The following GNG7 variants were observed in gnomAD, a reference collection of about 807,000 sequenced individuals.
GNG7 encodes guanine nucleotide-binding protein G(I)/G(S)/G(O) subunit gamma-7.
In GNG7, 1 loss-of-function variant was observed where a neutral mutation model predicts 4.0. The ratio of observed to expected loss-of-function variants is 0.25; its 90% confidence interval spans 0.09 to 1.18. The LOEUF (loss-of-function observed/expected upper bound fraction) is 1.18, where lower values mean the gene tolerates loss of function less well. GNG7 is among the 50% of genes most tolerant of loss of function. The probability of loss-of-function intolerance (pLI) is 0.50; values close to 1 mark genes in which losing one functional copy is unlikely to be tolerated. For synonymous variants in GNG7, 34 were observed against 36.9 expected (o/e 0.92, Z 0.29); for missense variants, 86 against 91.9 (o/e 0.94, Z 0.26).
chr19:2,612,419 G>A (rs947375034), intron 2 of GNG7, among the ~76,000 whole-genome samples: 10 of 151,930 alleles, frequency 6.6e-5, no homozygotes, highest in African/African-American at 9.7e-5. Flanking sequence ...AGCCTGCAAA[G>A]AAGGTGTGTC....
In GNG7 at chr19:2,653,942, G is replaced by A. The variant is rs1034722955; in HGVS notation, c.-134-7662C>T. On this transcript the variant is annotated intron_variant, in intron 1 of 4. Coordinates refer to ENST00000382159, the MANE Select transcript of GNG7 (RefSeq NM_052847.3). This position sits in a 1 kb window ranked among gnomAD's most constrained non-coding sequence, Gnocchi z 4.8. Reference sequence around the variant, plus strand: ...GGGGACAGCTCTCGCCTGCCTCGGCGAGCCCGGGTTCCAGAAGATGTGCCC... The same window carrying A: ...GGGGACAGCTCTCGCCTGCCTCGGCAAGCCCGGGTTCCAGAAGATGTGCCC... Among the ~76,000 whole-genome samples, 1 of 152,170 alleles carries A rather than the reference G, an allele frequency of 6.6e-6. No homozygotes were observed. Among genetic ancestry groups the A allele is most frequent in the Non-Finnish European group, 1.5e-5 (1 of 68,022 alleles).
At chr19:2,697,001 C>T (rs1033160473) in intron 1 of GNG7, among the ~76,000 whole-genome samples, 1 of 152,032 alleles carries the variant, frequency 6.6e-6, no homozygotes, top group African/African-American at 2.4e-5. Flanking sequence ...TACAGGCGCC[C>T]GGCTAATTTT....
chr19:2,657,361 A>AAAAAAATATATATATAT (rs1555701153), intron 1 of GNG7, among the ~76,000 whole-genome samples: 1 of 16,318 alleles, frequency 6.1e-5, no homozygotes, highest in Non-Finnish European at 1.0e-4. Context: ...AAAAAAAAAA[A>AAAAAAATATATATATAT]ATATATATAT....
intron 3 of GNG7, among the ~76,000 whole-genome samples, chr19:2,551,111 C>T (rs542113926): frequency 4.0e-4 from 61 of 152,320 alleles, no homozygotes; most frequent in African/African-American, 1.2e-3. Flanking sequence ...CAGGCAGCTC[C>T]GTGCCACCTG....
At chr19:2,536,948 T>C (rs888377653) in intron 3 of GNG7, among the ~76,000 whole-genome samples, 53 of 146,062 alleles carry the variant, frequency 3.6e-4, no homozygotes, top group African/African-American at 1.3e-3. Context: ...TTATTTTTAT[T>C]TTTATTTTTT....
At chr19:2,536,107 G>C (rs1236907288) in intron 3 of GNG7, among the ~76,000 whole-genome samples, 1 of 151,998 alleles carries the variant, frequency 6.6e-6, no homozygotes, top group East Asian at 1.9e-4. Context: ...CCGGGCAACA[G>C]AGTGAGACAT....
intron 2 of GNG7, among the ~76,000 whole-genome samples, chr19:2,558,100 G>C (rs544201229): frequency 2.0e-4 from 30 of 151,528 alleles, no homozygotes; most frequent in South Asian, 4.2e-4. Context: ...CTCGGCCTCC[G>C]AAAGTGCTGG....
chr19:2,586,725 C>A (rs981275155), intron 2 of GNG7, among the ~76,000 whole-genome samples: 2 of 151,998 alleles, frequency 1.3e-5, no homozygotes, highest in African/African-American at 4.8e-5. Context: ...TGGCTCACGC[C>A]TGTAATCCCA....
At chr19:2,680,909 A>G (rs1983715851) in intron 1 of GNG7, among the ~76,000 whole-genome samples, 2 of 151,820 alleles carry the variant, frequency 1.3e-5, no homozygotes, top group South Asian at 4.2e-4. Context: ...AGCTCGCATG[A>G]GGGTCCCCAT....
intron 1 of GNG7, among the ~76,000 whole-genome samples, chr19:2,672,344 T>TG (rs1254756345): frequency 2.0e-5 from 3 of 151,966 alleles, no homozygotes; most frequent in Non-Finnish European, 4.4e-5. Flanking sequence ...TTTGTAGAGA[T>TG]GGGGTCTCAC....
At chr19:2,597,996 G>A (rs920942784) in intron 2 of GNG7, among the ~76,000 whole-genome samples, 1 of 152,126 alleles carries the variant, frequency 6.6e-6, no homozygotes, top group African/African-American at 2.4e-5. Flanking sequence ...ATCTATGTGA[G>A]TGTGCATGTG....
chr19:2,523,692 A>G (rs983939351), intron 3 of GNG7, among the ~76,000 whole-genome samples: 4 of 152,106 alleles, frequency 2.6e-5, no homozygotes, highest in African/African-American at 9.7e-5. Flanking sequence ...TGGGTGTGTG[A>G]CTGTCTGGCT....
chr19:2,638,563 G>A (rs536457533), intron 2 of GNG7, among the ~76,000 whole-genome samples: 1 of 128,626 alleles, frequency 7.8e-6, no homozygotes, highest in Non-Finnish European at 1.7e-5. Flanking sequence ...GGGAGGGGAG[G>A]GGAAGGGAAG....
At chr19:2,543,057 C>T (rs902407160) in intron 3 of GNG7, among the ~76,000 whole-genome samples, 72 of 151,732 alleles carry the variant, frequency 4.7e-4, no homozygotes, top group African/African-American at 1.6e-3. Flanking sequence ...GGATTACAGG[C>T]ATCCACCACC....
chr19:2,650,181 A>ATTTTTTT (rs1350943359), intron 1 of GNG7, among the ~76,000 whole-genome samples: 6 of 111,184 alleles, frequency 5.4e-5, no homozygotes, highest in Admixed American at 9.4e-5. Flanking sequence ...TGTCATAGGA[A>ATTTTTTT]TCTTTTTTTT....
chr19:2,547,587 C>T (rs1377418767), intron 3 of GNG7, among the ~76,000 whole-genome samples: 2 of 152,102 alleles, frequency 1.3e-5, no homozygotes, highest in African/African-American at 2.4e-5. Context: ...TGCAGAGTCC[C>T]TTTTTCCATG....
rs371874682 is a variant in GNG7 at position 2,700,282 on chromosome 19, C to G, written c.-135+2364G>C. On this transcript the variant is annotated intron_variant, in intron 1 of 4. Coordinates refer to ENST00000382159, the MANE Select transcript of GNG7 (RefSeq NM_052847.3). ...TCAGCCTCCCAAGTAGCTGGGATTA[C>G]AGGCAAACGCCACTATGCCCAGCTA... Among the ~76,000 whole-genome samples, 8 of 152,086 alleles carry G rather than the reference C, an allele frequency of 5.3e-5. No homozygotes were observed. The East Asian group carries it at 1.5e-3, about 29-fold the overall frequency.
intron 2 of GNG7, among the ~76,000 whole-genome samples, chr19:2,606,937 AG>A (rs1193944822): frequency 2.0e-5 from 3 of 151,592 alleles, no homozygotes; most frequent in Non-Finnish European, 4.4e-5. Context: ...ACAGTAAACA[AG>A]GGCCGGGCAC....
intron 2 of GNG7, among the ~76,000 whole-genome samples, chr19:2,605,239 C>A (rs150369440): frequency 6.6e-6 from 1 of 152,160 alleles, no homozygotes. Flanking sequence ...TCTCTGTTGC[C>A]CAGGTTGGAG....
Sources: allele counts gnomAD v4.1 joint callset (sites outside exome capture counted in the v4.1 genomes callset), GRCh38; gene constraint gnomAD v4.1.1; non-coding constraint Gnocchi (gnomAD v3.1); transcripts MANE v1.5; gene names NCBI Gene and HGNC (gene_info 2026-07-23, HGNC 2026-07-21).